GDF5: variants seen among roughly 807,000 people sequenced by gnomAD.
GDF5 encodes growth/differentiation factor 5.
A neutral mutation model predicts 34.6 loss-of-function variants in GDF5; 17 were observed. The observed-to-expected ratio is 0.49, with a 90% confidence interval of 0.34 to 0.74. GDF5 has a LOEUF of 0.74. Among genes scored for constraint, GDF5 ranks in the 30% least tolerant of loss-of-function variants. GDF5 has a pLI of 0.01. For missense variants in GDF5, 616 were observed against 661.2 expected (o/e 0.93, Z 0.75); for synonymous variants, 332 against 290.7 (o/e 1.14, Z -1.44).
rs375024998 is a variant in GDF5, at chr20:35,437,958, G to A, written c.-30C>T. The A allele has an allele frequency of 1.9e-6, 3 of 1,613,366 alleles. No individual in the cohort carries two copies. Among genetic ancestry groups the A allele is most frequent in the African/African-American group, 2.7e-5 (2 of 75,048 alleles). On this transcript the variant is annotated 5_prime_UTR_variant, in exon 1 of 2. Coordinates refer to ENST00000374369, the MANE Select transcript of GDF5 (RefSeq NM_000557.5). The stretch of plus-strand genomic sequence containing the variant: ...TGGCCAGCCGCTGAATGACACCAAA[G>A]AGAACAGCGGCAGCAGCGAAGGTGC...
chr20:35,453,065 C>T (rs182219223), intron 1 of GDF5, among the ~76,000 whole-genome samples: 2,271 of 151,942 alleles, frequency 0.015, 47 homozygotes, highest in African/African-American at 0.052. Context: ...CTGGCTAACA[C>T]GGTGAAACCC....
chr20:35,444,456 A>G (rs1013813103), intron 1 of GDF5, among the ~76,000 whole-genome samples: 3 of 152,166 alleles, frequency 2.0e-5, no homozygotes, highest in African/African-American at 7.2e-5. Flanking sequence ...CACTTGGTAC[A>G]TCTGAGGTAA....
chr20:35,451,804 G>C (rs764667219), intron 1 of GDF5, among the ~76,000 whole-genome samples: 3 of 152,024 alleles, frequency 2.0e-5, no homozygotes, highest in Non-Finnish European at 2.9e-5. Flanking sequence ...AAAGTGCTGG[G>C]GTTACAGGCG....
At chr20:35,438,737 G>C (rs910340334), upstream of GDF5, among the ~76,000 whole-genome samples, 1 of 151,990 alleles carries the variant, frequency 6.6e-6, no homozygotes, top group East Asian at 1.9e-4. Context: ...CCAGAAGCAT[G>C]GGGAGTGTGG....
chr20:35,438,758 A>C (rs1206234001), upstream of GDF5, among the ~76,000 whole-genome samples: 7 of 151,314 alleles, frequency 4.6e-5, no homozygotes, highest in East Asian at 1.2e-3. Flanking sequence ...GTTTGTAGTT[A>C]AGTTCTTAGA....
At chr20:35,436,781 T>C (rs1046108946) in intron 1 of GDF5, among the ~76,000 whole-genome samples, 2 of 152,166 alleles carry the variant, frequency 1.3e-5, no homozygotes, top group African/African-American at 2.4e-5. Context: ...TCCCTCCCCA[T>C]GTATCTGAAC....
intron 1 of GDF5, among the ~76,000 whole-genome samples, chr20:35,450,876 C>A (rs371277502): frequency 6.6e-6 from 1 of 151,630 alleles, no homozygotes; most frequent in East Asian, 1.9e-4. Flanking sequence ...CTCTCCTAGT[C>A]ACTTGGTTTG....
intron 1 of GDF5, chr20:35,435,524 CAAGGTTCAGA>C (rs1273304062): frequency 1.5e-5 from 2 of 131,992 alleles, no homozygotes; most frequent in African/African-American, 5.7e-5. Flanking sequence ...AGGAGAATCC[CAAGGTTCAGA>C]GAAGTTAGAT....
Position 35,451,042 on chromosome 20 carries a change from GAAAAAAAAAAAAA to G in GDF5, c.-398+3585_-398+3597del, listed in dbSNP as rs1157980088. Among the ~76,000 whole-genome samples the G allele has an allele frequency of 8.1e-3, 133 of 16,382 alleles. 9 individuals carry two copies. Among genetic ancestry groups the G allele is most frequent in the Non-Finnish European group, 0.017 (71 of 4,096 alleles). The allele number at this position is 16,382 out of a possible 152,430, so 10.7% of individuals were successfully genotyped here. A position where few individuals can be genotyped will look rare whatever the true frequency, so the allele number is the denominator to read the frequency against. Reference sequence around the variant, plus strand: ...CTTTCAAACAGATTTTAGACTAACAGAAAAAAAAAAAAAAAAAAAAAAATATATATATATATAT... The same window carrying G: ...CTTTCAAACAGATTTTAGACTAACAGAAAAAAAAAATATATATATATATAT... On this transcript the variant is annotated intron_variant, in intron 1 of 3. Transcript: ENST00000374372.
Position 35,434,286 on chromosome 20 carries a change from G to GCTGGCTGAACAGGTA in GDF5, c.1114_1128dup (p.Tyr372_Gln376dup). 1 of 1,614,162 alleles carries GCTGGCTGAACAGGTA rather than the reference G, an allele frequency of 6.2e-7. No homozygotes were observed. Among genetic ancestry groups the GCTGGCTGAACAGGTA allele is most frequent in the Non-Finnish European group, 8.5e-7 (1 of 1,180,038 alleles). ...GCCAGTGGGGCCCGCCGTTTTCGCC[G>GCTGGCTGAACAGGTA]CTGGCTGAACAGGTACTCATACACG... On this transcript the variant is annotated inframe_insertion, in exon 2 of 2. Coordinates refer to ENST00000374369, the MANE Select transcript of GDF5 (RefSeq NM_000557.5).
upstream of GDF5, among the ~76,000 whole-genome samples, chr20:35,439,522 G>A (rs186368494): frequency 1.5e-4 from 23 of 152,154 alleles, no homozygotes; most frequent in East Asian, 3.7e-3. Context: ...CCACCGCGCC[G>A]GGCACAATTT....
upstream of GDF5, among the ~76,000 whole-genome samples, chr20:35,439,418 G>A (rs559181653): frequency 2.8e-3 from 433 of 152,090 alleles, no homozygotes; most frequent in African/African-American, 9.9e-3. Flanking sequence ...TAGTAGAGAT[G>A]GGGTTTCACC....
chr20:35,434,347 A>G lies in GDF5; in HGVS notation c.1068T>C (p.Asn356=), dbSNP rs200950438. 1.9e-6 allele frequency: 3 copies of G among 1,611,688 alleles called. No individual in the cohort carries two copies. The highest frequency in any genetic ancestry group is 2.7e-5 in the African/African-American group (2 of 74,816). The part of the protein sequence containing the change: ...GRTKKRDLFF[N]EIKARSGQDD... The stretch of plus-strand genomic sequence containing the variant: ...CCTGGCCAGAGCGGGCCTTAATCTC[A>G]TTAAAGAACAGGTCCCGTTTCTTGG... Residue 356 remains asparagine, a synonymous_variant, in exon 2 of 2, where the codon AAT becomes AAC. Coordinates refer to ENST00000374369, the MANE Select transcript of GDF5 (RefSeq NM_000557.5).
intron 1 of GDF5, among the ~76,000 whole-genome samples, chr20:35,443,461 T>C (rs1359225279): frequency 2.0e-5 from 3 of 152,092 alleles, no homozygotes; most frequent in Non-Finnish European, 4.4e-5. Context: ...CATTGTCTCA[T>C]TGCTGTTCCA....
chr20:35,447,879 C>T (rs950564880), intron 1 of GDF5, among the ~76,000 whole-genome samples: 3 of 152,048 alleles, frequency 2.0e-5, no homozygotes, highest in African/African-American at 7.2e-5. Context: ...CTTTGGGAGG[C>T]TGAGGCGGGA....
At chr20:35,439,681 C>A (rs141818432), upstream of GDF5, among the ~76,000 whole-genome samples, 1 of 151,700 alleles carries the variant, frequency 6.6e-6, no homozygotes, top group Non-Finnish European at 1.5e-5. Flanking sequence ...ACAGGGTCAG[C>A]GGGGAAAGCT....
chr20:35,440,321 G>C (rs552742859), upstream of GDF5, among the ~76,000 whole-genome samples: 1 of 151,806 alleles, frequency 6.6e-6, no homozygotes, highest in East Asian at 1.9e-4. Flanking sequence ...CACAAAATAA[G>C]TAAATAAATA....
chr20:35,437,539 T>C lies in GDF5; in HGVS notation c.390A>G (p.Gly130=). ...RTVTPKGQLP[G]GKAPPKAGSV... ...ATCCTGCTTTTGGGGGTGCCTTGCC[T>C]CCGGGAAGCTGTCCTTTTGGGGTCA... is the stretch of plus-strand genomic sequence containing the variant. Residue 130 remains glycine, a synonymous_variant, in exon 1 of 2, where the codon GGA becomes GGG. Transcript: ENST00000374369. 1.2e-6 allele frequency: 2 copies of C among 1,614,122 alleles called. No homozygotes were observed. Among genetic ancestry groups the C allele is most frequent in the Non-Finnish European group, 1.7e-6 (2 of 1,180,008 alleles).
rs138044251 is a variant in GDF5 at position 35,451,981 on chromosome 20, C to T, written c.-398+2659G>A. Among the ~76,000 whole-genome samples the T allele has an allele frequency of 7.8e-3, 1,190 of 152,270 alleles. 20 individuals are homozygous for T. Among genetic ancestry groups the T allele is most frequent in the African/African-American group, 0.027 (1,129 of 41,548 alleles). Reference sequence around the variant, plus strand: ...GCACAGTAGGAGTTGAGCAGATAAGCGAGCATTACCACCTGAGCTCCACCT... The same window carrying T: ...GCACAGTAGGAGTTGAGCAGATAAGTGAGCATTACCACCTGAGCTCCACCT... On this transcript the variant is annotated intron_variant, in intron 1 of 3. Coordinates refer to the GDF5 transcript ENST00000374372.
Sources: allele counts gnomAD v4.1 joint callset (sites outside exome capture counted in the v4.1 genomes callset), GRCh38; gene constraint gnomAD v4.1.1; transcripts MANE v1.5; gene names NCBI Gene and HGNC (gene_info 2026-07-23, HGNC 2026-07-21).